The following RB1CC1 variants were observed in gnomAD, a reference collection of about 807,000 sequenced individuals.
RB1CC1 encodes the protein RB1-inducible coiled-coil protein 1.
In RB1CC1, 46 loss-of-function variants were observed where a neutral mutation model predicts 177.5. The ratio of observed to expected loss-of-function variants is 0.26; its 90% CI spans 0.20 to 0.33. RB1CC1 has a LOEUF of 0.33. RB1CC1 is among the 10% of genes least tolerant of loss of function. The pLI, the probability that RB1CC1 is intolerant of heterozygous loss-of-function variation, is 1.00. For missense variants in RB1CC1, 1,703 were observed against 1,816.3 expected, an observed-to-expected ratio of 0.94 and a Z score of 1.13; for synonymous variants, 666 against 613.6, an observed-to-expected ratio of 1.09 and a Z score of -1.26.
intron 20 of RB1CC1, among the ~76,000 whole-genome samples, chr8:52,631,735 C>T (rs1010162154): frequency 6.6e-5 from 10 of 152,182 alleles, no homozygotes; most frequent in African/African-American, 1.9e-4. Flanking sequence ...TTCACCACAG[C>T]GTGCTCAGTC....
chr8:52,698,669 G>GTTTTTTTTTTTTTTTTTTTTTTTTTT lies in RB1CC1; in HGVS notation c.-166-11703_-166-11702insAAAAAAAAAAAAAAAAAAAAAAAAAA. On this transcript the variant is annotated intron_variant, in intron 1 of 23. Coordinates refer to ENST00000025008, the MANE Select transcript of RB1CC1 (RefSeq NM_014781.5). ...AACAAAAACTGTATATGTAATGGTT[G>GTTTTTTTTTTTTTTTTTTTTTTTTTT]GTTTTTTTTTTTTTTTTTTTTTTTT... 8.8e-5 allele frequency among the ~76,000 whole-genome samples: 2 copies of GTTTTTTTTTTTTTTTTTTTTTTTTTT among 22,782 alleles called. 1 individual carries two copies. The highest frequency in any genetic ancestry group is 0.091 in the Middle Eastern group (2 of 22). The allele number at this position is 22,782 out of a possible 152,430, so 14.9% of individuals were successfully genotyped here. A position where few individuals can be genotyped will look rare whatever the true frequency, so the allele number is the denominator to read the frequency against.
At chr8:52,628,444 G>T (rs1232630550) in intron 21 of RB1CC1, among the ~76,000 whole-genome samples, 1 of 152,118 alleles carries the variant, frequency 6.6e-6, no homozygotes, top group Non-Finnish European at 1.5e-5. Context: ...TGGATGAAAA[G>T]CAGAAAAAGC....
chr8:52,700,970 T>C (rs1855993070), intron 1 of RB1CC1, among the ~76,000 whole-genome samples: 1 of 152,228 alleles, frequency 6.6e-6, no homozygotes, highest in African/African-American at 2.4e-5. Context: ...GAGGTTGACC[T>C]AGGTGACACC....
rs374315797 is a variant in RB1CC1 at position 52,657,691 on chromosome 8, G to C, written c.2138C>G (p.Thr713Ser). 1.9e-6 allele frequency: 3 copies of C among 1,613,996 alleles called. No homozygotes were observed. Among genetic ancestry groups the C allele is most frequent in the African/African-American group, 2.7e-5 (2 of 74,922 alleles). ...CAAGTCTAAAGAAACTTGGTGAATAGTCTGTTCTATGTTTGGATGGGGAAT... is the reference window on the plus strand; with the variant it reads ...CAAGTCTAAAGAAACTTGGTGAATACTCTGTTCTATGTTTGGATGGGGAAT... ...ETIPHPNIEQ[T>S]IHQVSLDLDS... The change falls in exon 15 of 24, where the codon ACT (threonine) becomes AGT (serine). Residue 713 changes from threonine to serine, a missense_variant. Physicochemically the swap from Thr to Ser is moderately conservative, Grantham distance 58. Around this residue, in one of 6 missense-constraint regions of RB1CC1, gnomAD observed 1,169 missense variants for 1,184.7 expected, o/e 0.99. Transcript: ENST00000025008.
Position 52,673,920 on chromosome 8 carries a change from T to C in RB1CC1, c.927A>G (p.Leu309=). 6.2e-7 allele frequency: 1 copy of C among 1,614,172 alleles called. No individual in the cohort carries two copies. Among genetic ancestry groups the C allele is most frequent in the Non-Finnish European group, 8.5e-7 (1 of 1,180,010 alleles). The part of the protein sequence containing the change: ...GDLPFFNVSL[L]DWINVQDRPN... ...GTCTATCTTGAACATTTATCCAGTC[T>C]AACAAAGAGACATTAAAAAAGGGCA... is the stretch of plus-strand genomic sequence containing the variant. The change falls in exon 7 of 24, where the codon TTA becomes TTG. Residue 309 remains leucine (L), a synonymous_variant. Transcript: ENST00000025008.
intron 8 of RB1CC1, among the ~76,000 whole-genome samples, chr8:52,666,385 G>A (rs1852069072): frequency 6.6e-6 from 1 of 152,042 alleles, no homozygotes; most frequent in South Asian, 2.1e-4. Flanking sequence ...AGGCGTGGTG[G>A]TGCATGCCTG....
At chr8:52,645,952 T>A in intron 15 of RB1CC1, 85 bp from the exon 16 acceptor site, 1 of 1,281,264 alleles carries the variant, frequency 7.8e-7, no homozygotes, top group Non-Finnish European at 1.1e-6. Context: ...AAATTTATCT[T>A]CCTTAAGCTC....
intron 1 of RB1CC1, among the ~76,000 whole-genome samples, chr8:52,690,755 C>G (rs1854779737): frequency 6.6e-6 from 1 of 152,106 alleles, no homozygotes; most frequent in Admixed American, 6.5e-5. Flanking sequence ...AAGAATAGTA[C>G]AAAGAACTCC....
intron 3 of RB1CC1, among the ~76,000 whole-genome samples, chr8:52,684,755 A>T (rs1854097699): frequency 6.6e-6 from 1 of 152,214 alleles, no homozygotes; most frequent in African/African-American, 2.4e-5. Context: ...AGCTTCCGAT[A>T]ATTCCCTTAA....
intron 20 of RB1CC1, among the ~76,000 whole-genome samples, chr8:52,631,080 G>A (rs1408247516): frequency 2.6e-5 from 4 of 151,996 alleles, no homozygotes; most frequent in African/African-American, 4.8e-5. Flanking sequence ...GCTGATCCCG[G>A]TTAGCTTAGA....
At chr8:52,665,036 A>G (rs1851949933) in intron 8 of RB1CC1, among the ~76,000 whole-genome samples, 1 of 152,152 alleles carries the variant, frequency 6.6e-6, no homozygotes. Context: ...GATAATTGAA[A>G]GCCCTAGTTT....
At chr8:52,634,211 T>G (rs1399792217) in intron 20 of RB1CC1, among the ~76,000 whole-genome samples, 1 of 152,022 alleles carries the variant, frequency 6.6e-6, no homozygotes, top group Non-Finnish European at 1.5e-5. Flanking sequence ...TTTCAGGCAC[T>G]TTCACTTAAA....
chr8:52,623,349 TA>T lies in RB1CC1; in HGVS notation c.*432del, dbSNP rs1199509033. 1.3e-5 allele frequency: 3 copies of T among 226,708 alleles called. No individual in the cohort carries two copies. The highest frequency in any genetic ancestry group is 7.1e-5 in the African/African-American group (3 of 42,470). The allele number at this position is 226,708 out of a possible 1,614,324, so 14.0% of individuals were successfully genotyped here. A position where few individuals can be genotyped will look rare whatever the true frequency, so the allele number is the denominator to read the frequency against. ...AGTTCTGAATAATTTATACATTTTATAAAGAATGTGTTAAAGAGTGCAAGTA... is the reference window on the plus strand; with the variant it reads ...AGTTCTGAATAATTTATACATTTTATAAGAATGTGTTAAAGAGTGCAAGTA... On this transcript the variant is annotated 3_prime_UTR_variant, in exon 24 of 24. Transcript: ENST00000025008.
rs771919374 is a variant in RB1CC1 at position 52,674,103 on chromosome 8, T to C, written c.744A>G (p.Arg248=). The change falls in exon 7 of 24, where the codon AGA becomes AGG. Residue 248 remains arginine (R), a synonymous_variant. Transcript: ENST00000025008. ...AGGTTAACAAAGATTCGTTAGTTGT[T>C]CTAGGCATATCAGGAGAGAGCACCA... ...TELVLSPDMP[R]TTNESLLTSF... The C allele has an allele frequency of 6.2e-7, 1 of 1,614,184 alleles. No homozygotes were observed. Among genetic ancestry groups the C allele is most frequent in the Non-Finnish European group, 8.5e-7 (1 of 1,180,026 alleles).
chr8:52,640,177 A>C (rs1849450300), intron 18 of RB1CC1, among the ~76,000 whole-genome samples: 1 of 152,156 alleles, frequency 6.6e-6, no homozygotes, highest in Non-Finnish European at 1.5e-5. Flanking sequence ...ATATGATCTG[A>C]CTAATATGCA....
chr8:52,650,640 CTA>C (rs770324023), intron 15 of RB1CC1, among the ~76,000 whole-genome samples: 8 of 151,272 alleles, frequency 5.3e-5, no homozygotes, highest in African/African-American at 9.8e-5. Flanking sequence ...AAAAATGACT[CTA>C]GAGGAAAAAA....
intron 15 of RB1CC1, among the ~76,000 whole-genome samples, chr8:52,652,856 G>A (rs980875642): frequency 8.6e-5 from 13 of 152,028 alleles, no homozygotes; most frequent in Admixed American, 3.3e-4. Flanking sequence ...TCAGGAGTTC[G>A]AGACCAGCCT....
At chr8:52,646,032 A>C (rs143835916) in intron 15 of RB1CC1, among the ~76,000 whole-genome samples, 165 bp from the exon 16 acceptor site, 90 of 152,358 alleles carry the variant, frequency 5.9e-4, no homozygotes, top group African/African-American at 2.1e-3. Context: ...GAAATAAGTA[A>C]AAGTTTAATA....
chr8:52,682,766 A>T (rs1853877287), intron 5 of RB1CC1, among the ~76,000 whole-genome samples: 1 of 152,138 alleles, frequency 6.6e-6, no homozygotes, highest in Admixed American at 6.6e-5. Flanking sequence ...ATTTTTTAAA[A>T]TTTTGTCCTC....
Sources: allele counts gnomAD v4.1 joint callset (sites outside exome capture counted in the v4.1 genomes callset), GRCh38; gene constraint gnomAD v4.1.1; regional missense constraint gnomAD v4.1.1; transcripts MANE v1.5; gene names NCBI Gene and HGNC (gene_info 2026-07-23, HGNC 2026-07-21).